CTNND2: variants seen among roughly 807,000 people sequenced by gnomAD.
The protein encoded by CTNND2 is catenin delta 2.
CTNND2 carries 22 observed loss-of-function variants against 144.4 expected under a neutral mutation model. The ratio of observed to expected loss-of-function variants is 0.15; its 90% confidence interval spans 0.11 to 0.22. The LOEUF is 0.22. CTNND2 is among the 10% of genes least tolerant of loss of function. The pLI, the probability that CTNND2 is intolerant of heterozygous loss-of-function variation, is 1.00. For missense variants in CTNND2, 1,353 were observed against 1,618.8 expected (o/e 0.84, Z 2.82); for synonymous variants, 751 against 695.6 (o/e 1.08, Z -1.25).
chr5:11,793,095 A>T (rs1791222958), intron 1 of CTNND2, among the ~76,000 whole-genome samples: 1 of 152,220 alleles, frequency 6.6e-6, no homozygotes, highest in African/African-American at 2.4e-5. Flanking sequence ...ACTGATGTCG[A>T]TTTCCACAGA....
intron 3 of CTNND2, among the ~76,000 whole-genome samples, chr5:11,459,846 G>T (rs1482555382): frequency 6.6e-6 from 1 of 152,152 alleles, no homozygotes; most frequent in Non-Finnish European, 1.5e-5. Context: ...ATGTCAAGTT[G>T]TAAGTACCTA....
At chr5:11,664,132 A>G (rs149751219) in intron 2 of CTNND2, among the ~76,000 whole-genome samples, 304 of 152,326 alleles carry the variant, frequency 2.0e-3, no homozygotes, top group Middle Eastern at 6.8e-3. Flanking sequence ...ATTCCATAAT[A>G]ATATAAATTG....
intron 14 of CTNND2, among the ~76,000 whole-genome samples, chr5:11,101,880 A>C: frequency 9.9e-6 from 1 of 100,784 alleles, no homozygotes; most frequent in African/African-American, 4.4e-5. Context: ...CTGCATGACG[A>C]CCACATATGT....
intron 10 of CTNND2, among the ~76,000 whole-genome samples, chr5:11,204,022 T>C (rs1278001598): frequency 6.6e-6 from 1 of 152,212 alleles, no homozygotes; most frequent in Non-Finnish European, 1.5e-5. Context: ...TGACAAATGA[T>C]TGACCTTAGT....
intron 9 of CTNND2, among the ~76,000 whole-genome samples, chr5:11,248,980 T>G (rs1743293817): frequency 6.6e-6 from 1 of 152,230 alleles, no homozygotes; most frequent in Admixed American, 6.5e-5. Context: ...AAGAAAATCT[T>G]AATAGAATCT....
intron 3 of CTNND2, among the ~76,000 whole-genome samples, chr5:11,553,587 G>A (rs1469406498): frequency 6.6e-6 from 1 of 152,026 alleles, no homozygotes; most frequent in Admixed American, 6.6e-5. Flanking sequence ...GATAAATTAT[G>A]ACTATATTTC....
intron 2 of CTNND2, among the ~76,000 whole-genome samples, chr5:11,626,474 T>C (rs1781161126): frequency 6.6e-6 from 1 of 152,254 alleles, no homozygotes; most frequent in Non-Finnish European, 1.5e-5. Flanking sequence ...ATTAGGAATG[T>C]ACACATTGCT....
chr5:11,732,572 A>G (rs1365721552), intron 1 of CTNND2, among the ~76,000 whole-genome samples: 2 of 152,210 alleles, frequency 1.3e-5, no homozygotes, highest in Admixed American at 6.5e-5. Flanking sequence ...GAGAGACTAT[A>G]AGAATAAAGT....
chr5:11,267,099 G>C (rs1196054220), intron 9 of CTNND2, among the ~76,000 whole-genome samples: 2 of 152,168 alleles, frequency 1.3e-5, no homozygotes, highest in African/African-American at 4.8e-5. Flanking sequence ...GTCTGGCCTC[G>C]AACTTCTGAC....
At chr5:11,166,696 TAAA>T (rs908099259) in intron 11 of CTNND2, among the ~76,000 whole-genome samples, 11 of 152,222 alleles carry the variant, frequency 7.2e-5, no homozygotes, top group Admixed American at 1.3e-4. Flanking sequence ...GTTGAATGAT[TAAA>T]ATATAGAGGC....
chr5:11,653,250 T>A (rs1009752553), intron 2 of CTNND2, among the ~76,000 whole-genome samples: 1 of 152,154 alleles, frequency 6.6e-6, no homozygotes, highest in African/African-American at 2.4e-5. Flanking sequence ...ATTCCTTTTT[T>A]AATAGTCCCA....
intron 7 of CTNND2, among the ~76,000 whole-genome samples, chr5:11,370,875 T>G (rs147077212): frequency 1.6e-4 from 24 of 152,338 alleles, no homozygotes; most frequent in African/African-American, 5.5e-4. Flanking sequence ...GTTCTTTCAT[T>G]ATTGAGATAA....
chr5:11,502,791 G>A (rs1770667987), intron 3 of CTNND2, among the ~76,000 whole-genome samples: 1 of 152,104 alleles, frequency 6.6e-6, no homozygotes, highest in Non-Finnish European at 1.5e-5. Context: ...GATGAAGAAG[G>A]AAGCTGTCAA....
chr5:11,155,929 T>C (rs1758178708), intron 12 of CTNND2, among the ~76,000 whole-genome samples: 12 of 152,216 alleles, frequency 7.9e-5, no homozygotes, highest in Admixed American at 7.9e-4. Context: ...AGATTCTCCA[T>C]TCCTTTCTAG....
chr5:11,852,064 T>C (rs1399776285), intron 1 of CTNND2, among the ~76,000 whole-genome samples: 1 of 152,140 alleles, frequency 6.6e-6, no homozygotes, highest in Admixed American at 6.5e-5. Context: ...GCCACCTCTT[T>C]AGTGGCACCC....
intron 5 of CTNND2, among the ~76,000 whole-genome samples, chr5:11,399,227 C>T (rs1352725089): frequency 2.0e-5 from 3 of 152,136 alleles, no homozygotes; most frequent in Non-Finnish European, 4.4e-5. Flanking sequence ...TTGTACTGGC[C>T]AGCCTCTCCT....
intron 2 of CTNND2, among the ~76,000 whole-genome samples, chr5:11,648,366 C>T (rs1398737215): frequency 2.0e-5 from 3 of 151,964 alleles, no homozygotes; most frequent in Admixed American, 1.3e-4. Context: ...AATGGTGATG[C>T]AGACATTTTC....
intron 14 of CTNND2, among the ~76,000 whole-genome samples, chr5:11,104,255 C>A (rs931723056): frequency 2.6e-5 from 4 of 152,090 alleles, no homozygotes; most frequent in African/African-American, 9.7e-5. Flanking sequence ...ATAAAGGTAG[C>A]AGATCTGCAG....
intron 9 of CTNND2, among the ~76,000 whole-genome samples, chr5:11,285,160 C>G (rs60806176): frequency 0.041 from 6,206 of 152,250 alleles, 191 homozygotes; most frequent in African/African-American, 0.083. Context: ...GTTATATCTG[C>G]TGCCCCAGCA....
Sources: allele counts gnomAD v4.1 joint callset (sites outside exome capture counted in the v4.1 genomes callset), GRCh38; gene constraint gnomAD v4.1.1; transcripts MANE v1.5; gene names NCBI Gene and HGNC (gene_info 2026-07-23, HGNC 2026-07-21).